Variants in ZFPM2 observed in about 807,000 individuals in gnomAD.
ZFPM2 encodes the protein zinc finger protein, FOG family member 2.
Under a neutral mutation model 98.6 loss-of-function variants are expected in ZFPM2, and 20 were observed. The observed-to-expected ratio is 0.20, with a 90% CI of 0.14 to 0.29. The LOEUF (loss-of-function observed/expected upper bound fraction) is 0.29, where lower values mean the gene tolerates loss of function less well. Among genes scored for constraint, ZFPM2 ranks in the 10% least tolerant of loss-of-function variants. The pLI is 1.00. For missense variants in ZFPM2, 1,310 were observed against 1,388.6 expected (o/e 0.94, Z 0.90); for synonymous variants, 518 against 502.7 (o/e 1.03, Z -0.41).
At chr8:105,716,909 G>T (rs1459877469) in intron 5 of ZFPM2, among the ~76,000 whole-genome samples, 1 of 152,000 alleles carries the variant, frequency 6.6e-6, no homozygotes, top group Non-Finnish European at 1.5e-5. Context: ...CGATTATTCT[G>T]TCAAATTCTC....
At chr8:105,568,998 C>T (rs894857733) in intron 4 of ZFPM2, among the ~76,000 whole-genome samples, 1 of 151,738 alleles carries the variant, frequency 6.6e-6, no homozygotes, top group African/African-American at 2.4e-5. Flanking sequence ...CCACCTATCT[C>T]TCTTCATCTC....
chr8:105,713,901 G>T (rs80300253), intron 5 of ZFPM2, among the ~76,000 whole-genome samples: 1,552 of 152,152 alleles, frequency 0.01, 19 homozygotes, highest in African/African-American at 0.034. Context: ...GATGTCTCCA[G>T]CTTTGTTCTT....
At chr8:105,556,709 C>T (rs1815000992) in intron 3 of ZFPM2, among the ~76,000 whole-genome samples, 1 of 140,334 alleles carries the variant, frequency 7.1e-6, no homozygotes, top group African/African-American at 2.6e-5. Context: ...CTTCCCTTCC[C>T]TTCCCTTCCC....
intron 3 of ZFPM2, among the ~76,000 whole-genome samples, chr8:105,500,676 C>T (rs957789455): frequency 1.8e-4 from 27 of 151,906 alleles, no homozygotes; most frequent in Non-Finnish European, 3.1e-4. Flanking sequence ...GAAGAAAATA[C>T]TATAATCAAA....
Position 105,382,271 on chromosome 8 carries a change from T to TTTAAAA in ZFPM2, c.41-36873_41-36872insTTAAAA, listed in dbSNP as rs543821607. Among the ~76,000 whole-genome samples the TTTAAAA allele has an allele frequency of 1.2e-3, 189 of 151,798 alleles. 1 individual carries two copies. The highest frequency in any genetic ancestry group is 0.012 in the Admixed American group (186 of 15,218). On this transcript the variant is annotated intron_variant, in intron 1 of 7. Transcript: ENST00000407775. ...TATGCAATGCACTCTAGAGAGTACT[T>TTTAAAA]AAGCTTTTTTTTTAAAAATCATAAG...
rs143525025 is a variant in ZFPM2 at position 105,771,624 on chromosome 8, A to G, written c.533-17094A>G. Among the ~76,000 whole-genome samples, 391 of 152,266 alleles carry G rather than the reference A, an allele frequency of 2.6e-3. 1 individual carries two copies. The highest frequency in any genetic ancestry group is 8.1e-3 in the African/African-American group (335 of 41,568). On this transcript the variant is annotated intron_variant, in intron 5 of 7. Transcript: ENST00000407775. ...TAGCTGGCTCTGGTTTTATCATCAC[A>G]CGAGCAAAAATTTGAGATTTTGCCG...
intron 6 of ZFPM2, among the ~76,000 whole-genome samples, chr8:105,789,808 T>G (rs1331789255): frequency 6.6e-6 from 1 of 152,112 alleles, no homozygotes; most frequent in Non-Finnish European, 1.5e-5. Flanking sequence ...CTCATTGTGG[T>G]TTTGATTTGC....
At chr8:105,736,158 T>C (rs372508068) in intron 5 of ZFPM2, among the ~76,000 whole-genome samples, 30 of 152,116 alleles carry the variant, frequency 2.0e-4, no homozygotes, top group African/African-American at 7.0e-4. Flanking sequence ...TGGTTAAAAT[T>C]GTGGTGAGCT....
In ZFPM2 at chr8:105,356,305, T is replaced by C. The variant is rs545415691; in HGVS notation, c.40+37324T>C. Reference sequence around the variant, plus strand: ...ATGTATTTGTGGTGCTTGGGGAAGTTGTCAGCTGACCTCTTCTATGTTCCC... The same window carrying C: ...ATGTATTTGTGGTGCTTGGGGAAGTCGTCAGCTGACCTCTTCTATGTTCCC... On this transcript the variant is annotated intron_variant, in intron 1 of 7. Transcript: ENST00000407775. Among the ~76,000 whole-genome samples, 330 of 152,332 alleles carry C rather than the reference T, an allele frequency of 2.2e-3. 2 individuals carry two copies. The highest frequency in any genetic ancestry group is 7.7e-3 in the African/African-American group (319 of 41,568).
intron 4 of ZFPM2, among the ~76,000 whole-genome samples, chr8:105,565,015 T>G (rs550312926): frequency 1.3e-4 from 20 of 152,262 alleles, no homozygotes; most frequent in Non-Finnish European, 2.6e-4. Context: ...CGCACTCTCT[T>G]AAATTGCTTA....
intron 4 of ZFPM2, among the ~76,000 whole-genome samples, chr8:105,612,093 A>G (rs1816319268): frequency 6.6e-6 from 1 of 152,310 alleles, no homozygotes; most frequent in East Asian, 1.9e-4. Flanking sequence ...AGACTTGACC[A>G]TTTGTAATAT....
At chr8:105,673,329 CAATTA>C (rs575966003) in intron 5 of ZFPM2, among the ~76,000 whole-genome samples, 1 of 149,816 alleles carries the variant, frequency 6.7e-6, no homozygotes, top group Non-Finnish European at 1.5e-5. Flanking sequence ...TCTTAGTAAA[CAATTA>C]AATTAAAAAT....
chr8:105,534,236 CTCCCTCCTCCCTCCCTCCCTTCCTCCT>C (rs1814393923), intron 3 of ZFPM2, among the ~76,000 whole-genome samples: 1 of 54,332 alleles, frequency 1.8e-5, no homozygotes, highest in Non-Finnish European at 3.5e-5. Context: ...CCCTTCCTCC[CTCCCTCCTCCCTCCCTCCCTTCCTCCT>C]TTCCTTCCTT....
chr8:105,501,941 ATATT>A (rs1813604905), intron 3 of ZFPM2, among the ~76,000 whole-genome samples: 1 of 152,190 alleles, frequency 6.6e-6, no homozygotes, highest in Admixed American at 6.5e-5. Context: ...ACATTAATAT[ATATT>A]CTTTAGATGA....
intron 3 of ZFPM2, among the ~76,000 whole-genome samples, chr8:105,494,221 ATATAT>A (rs1813415682): frequency 1.5e-5 from 2 of 129,912 alleles, no homozygotes; most frequent in South Asian, 2.4e-4. Context: ...ATATATATAT[ATATAT>A]AATCTCAAAC....
intron 3 of ZFPM2, among the ~76,000 whole-genome samples, chr8:105,473,291 CAGT>C (rs1812944825): frequency 6.6e-6 from 1 of 152,152 alleles, no homozygotes; most frequent in African/African-American, 2.4e-5. Flanking sequence ...CTCATGCCAA[CAGT>C]AGTTTATACA....
At chr8:105,333,693 G>A (rs1284472704) in intron 1 of ZFPM2, among the ~76,000 whole-genome samples, 3 of 151,580 alleles carry the variant, frequency 2.0e-5, no homozygotes, top group African/African-American at 7.3e-5. Flanking sequence ...ATTAATAGGG[G>A]ATGGGTTAAA....
intron 4 of ZFPM2, among the ~76,000 whole-genome samples, chr8:105,590,754 G>A (rs761060292): frequency 5.1e-4 from 74 of 144,812 alleles, no homozygotes; most frequent in Non-Finnish European, 8.5e-4. Flanking sequence ...ATGTGCATAC[G>A]TGCGCACGCA....
chr8:105,468,099 T>C (rs554186733), intron 3 of ZFPM2, among the ~76,000 whole-genome samples: 49 of 152,164 alleles, frequency 3.2e-4, no homozygotes, highest in Admixed American at 1.2e-3. Flanking sequence ...TTATCATCTT[T>C]GTTAAACAAA....
Sources: allele counts gnomAD v4.1 joint callset (sites outside exome capture counted in the v4.1 genomes callset), GRCh38; gene constraint gnomAD v4.1.1; transcripts MANE v1.5; gene names NCBI Gene and HGNC (gene_info 2026-07-23, HGNC 2026-07-21).